PCDHGB6: variants seen among roughly 807,000 people sequenced by gnomAD.
PCDHGB6 encodes the protein protocadherin gamma-B6.
In PCDHGB6, 51 loss-of-function variants were observed where a neutral mutation model predicts 59.1. That is an observed-to-expected ratio of 0.86 (90% confidence interval 0.69 to 1.09). The LOEUF is 1.09. Among genes scored for constraint, PCDHGB6 ranks in the 50% least tolerant of loss-of-function variants. The pLI is 0.00. For synonymous variants in PCDHGB6, 466 were observed against 495.1 expected (o/e 0.94, Z 0.78); for missense variants, 1,148 against 1,205.1 (o/e 0.95, Z 0.70).
chr5:141,494,742 G>A (rs1223104681), intron 1 of PCDHGB6, 65 bp from the exon 2 acceptor site: 10 of 1,611,946 alleles, frequency 6.2e-6, no homozygotes, highest in Non-Finnish European at 8.5e-6. Context: ...CCCATCCCTA[G>A]GGGCTCGGGT....
chr5:141,408,302 C>G lies in PCDHGB6; in HGVS notation c.100C>G (p.Arg34Gly), dbSNP rs1017556555. The G allele has an allele frequency of 6.2e-7, 1 of 1,613,662 alleles. No homozygotes were observed. The change falls in exon 1 of 4, where the codon CGC becomes GGC. Residue 34 changes from arginine to glycine, a missense_variant. Physicochemically the swap from Arg to Gly is moderately radical, Grantham distance 125. Transcript: ENST00000520790. ...LFYPTLSEPI[R>G]YSIPEELAKG... ...CTACCCCACCCTGAGTGAGCCGATC[C>G]GCTACTCGATTCCGGAGGAGCTGGC...
rs1022516458 is a variant in PCDHGB6, at chr5:141,476,612, A to G, written c.2419-18195A>G. The G allele has an allele frequency of 1.2e-6, 2 of 1,614,236 alleles. No individual in the cohort carries two copies. The highest frequency in any genetic ancestry group is 2.2e-5 in the South Asian group (2 of 91,080). ...GAGCGCGCACGATCCCGATGTGGGA[A>G]GCAACTCTTTACAAACCTATGAGCT... On this transcript the variant is annotated intron_variant, in intron 1 of 3. Transcript: ENST00000520790. The surrounding 1 kb of genome is among the most constrained non-coding windows in gnomAD (Gnocchi z 7.6).
At chr5:141,413,702 T>G (rs1448671585) in intron 1 of PCDHGB6, 4 of 1,613,606 alleles carry the variant, frequency 2.5e-6, no homozygotes, top group Non-Finnish European at 3.4e-6. Flanking sequence ...AGCTATCAGC[T>G]CAGCCCCAAT....
At chr5:141,428,185 G>A (rs775261215) in intron 1 of PCDHGB6, 1 of 1,446,348 alleles carries the variant, frequency 6.9e-7, no homozygotes, top group Admixed American at 1.8e-5. Context: ...GAGGACAGCC[G>A]CCGCTCTCTG....
At chr5:141,496,892 A>AG (rs1372616572) in intron 2 of PCDHGB6, among the ~76,000 whole-genome samples, 1 of 151,766 alleles carries the variant, frequency 6.6e-6, no homozygotes, top group Non-Finnish European at 1.5e-5. Flanking sequence ...AACACTTAAA[A>AG]AAAAAAAAAA....
intron 1 of PCDHGB6, chr5:141,418,101 G>T: frequency 6.2e-7 from 1 of 1,614,082 alleles, no homozygotes; most frequent in Non-Finnish European, 8.5e-7. Context: ...GACGCGCAGA[G>T]CGGGGACTTA....
rs778744503 is a variant in PCDHGB6, at chr5:141,511,152, G to A, written c.2772G>A (p.Ser924=). Residue 924 remains serine (S), a synonymous_variant, in exon 4 of 4, where the codon TCG becomes TCA. Transcript: ENST00000520790. The part of the protein sequence containing the change: ...PAGGNGNKKK[S]GKKEKK ...GTGGCAATGGCAACAAGAAGAAGTCGGGCAAGAAGGAGAAGAAGTAACATG... is the reference window on the plus strand; with the variant it reads ...GTGGCAATGGCAACAAGAAGAAGTCAGGCAAGAAGGAGAAGAAGTAACATG... The A allele has an allele frequency of 2.0e-5, 32 of 1,614,022 alleles. No individual in the cohort carries two copies. Among genetic ancestry groups the A allele is most frequent in the South Asian group, 4.4e-5 (4 of 91,090 alleles).
Position 141,511,225 on chromosome 5 carries a change from C to A in PCDHGB6, c.*52C>A. ...GGCGGCCTCTCCCCAACCAGCCCAG[C>A]TTCTCCTTACCTGCACCCAGGCCTC... On this transcript the variant is annotated 3_prime_UTR_variant, in exon 4 of 4. Transcript: ENST00000520790. The A allele has an allele frequency of 6.2e-7, 1 of 1,601,624 alleles. No individual in the cohort carries two copies. Among genetic ancestry groups the A allele is most frequent in the Non-Finnish European group, 8.5e-7 (1 of 1,174,162 alleles).
intron 1 of PCDHGB6, among the ~76,000 whole-genome samples, chr5:141,456,765 C>A (rs1468235444): frequency 2.0e-5 from 3 of 151,852 alleles, no homozygotes; most frequent in Non-Finnish European, 2.9e-5. Context: ...GAGTTTGAGA[C>A]CAGCCTGGCC....
Position 141,432,220 on chromosome 5 carries a change from C to T in PCDHGB6, c.2418+21600C>T. The T allele has an allele frequency of 6.2e-7, 1 of 1,614,246 alleles. No homozygotes were observed. Among genetic ancestry groups the T allele is most frequent in the Non-Finnish European group, 8.5e-7 (1 of 1,180,040 alleles). Reference sequence around the variant, plus strand: ...CCGACTGTGAAGAGAACGCCCAGATCACTTATTCCCTGGCTGAGAACACCA... The same window carrying T: ...CCGACTGTGAAGAGAACGCCCAGATTACTTATTCCCTGGCTGAGAACACCA... On this transcript the variant is annotated intron_variant, in intron 1 of 3. Coordinates refer to ENST00000520790, the MANE Select transcript of PCDHGB6 (RefSeq NM_018926.3). The surrounding 1 kb of genome is among the most constrained non-coding windows in gnomAD (Gnocchi z 6.0).
At chr5:141,492,468 G>A (rs927514972) in intron 1 of PCDHGB6, among the ~76,000 whole-genome samples, 1 of 152,232 alleles carries the variant, frequency 6.6e-6, no homozygotes, top group Admixed American at 6.5e-5. Flanking sequence ...GAGGGTCCCA[G>A]ATCGCGGCCG....
Position 141,489,941 on chromosome 5 carries a change from A to G in PCDHGB6, c.2419-4866A>G. Reference sequence around the variant, plus strand: ...ACCCTTATCTCTGTCATCGTGCTGGACATCAATGATAATGCTCCAACCTTC... The same window carrying G: ...ACCCTTATCTCTGTCATCGTGCTGGGCATCAATGATAATGCTCCAACCTTC... On this transcript the variant is annotated intron_variant, in intron 1 of 3. Transcript: ENST00000520790. The surrounding 1 kb of genome is among the most constrained non-coding windows in gnomAD (Gnocchi z 4.5). 1.2e-6 allele frequency: 2 copies of G among 1,614,228 alleles called. No homozygotes were observed. The highest frequency in any genetic ancestry group is 1.7e-6 in the Non-Finnish European group (2 of 1,180,034).
intron 1 of PCDHGB6, among the ~76,000 whole-genome samples, chr5:141,448,043 G>A (rs1000669754): frequency 3.3e-5 from 5 of 151,870 alleles, no homozygotes; most frequent in African/African-American, 1.2e-4. Context: ...CCAAGATCAT[G>A]CCATTGCTCT....
chr5:141,433,883 G>A (rs1051019240), intron 1 of PCDHGB6, among the ~76,000 whole-genome samples: 1 of 149,932 alleles, frequency 6.7e-6, no homozygotes, highest in Non-Finnish European at 1.5e-5. Flanking sequence ...ATCCATTGAT[G>A]ACACTTGCTT....
intron 1 of PCDHGB6, among the ~76,000 whole-genome samples, chr5:141,430,247 G>T (rs1003479541): frequency 9.7e-6 from 1 of 102,928 alleles, no homozygotes; most frequent in Non-Finnish European, 1.8e-5. Flanking sequence ...AACTCCTAGG[G>T]AGACATCTCC....
In PCDHGB6 at chr5:141,431,494, C is replaced by A; in HGVS notation, c.2418+20874C>A. 6.2e-7 allele frequency: 1 copy of A among 1,613,956 alleles called. No homozygotes were observed. Among genetic ancestry groups the A allele is most frequent in the Middle Eastern group, 1.6e-4 (1 of 6,062 alleles). On this transcript the variant is annotated intron_variant, in intron 1 of 3. Coordinates refer to ENST00000520790, the MANE Select transcript of PCDHGB6 (RefSeq NM_018926.3). This position sits in a 1 kb window ranked among gnomAD's most constrained non-coding sequence, Gnocchi z 4.8. Reference sequence around the variant, plus strand: ...ACAACGCACCAGCGTTTGCTCAGCCCGAGTACCGCGCGAGCGTTCCGGAGA... The same window carrying A: ...ACAACGCACCAGCGTTTGCTCAGCCAGAGTACCGCGCGAGCGTTCCGGAGA...
Position 141,490,924 on chromosome 5 carries a change from C to A in PCDHGB6, c.2419-3883C>A. 1 of 1,613,680 alleles carries A rather than the reference C, an allele frequency of 6.2e-7. No individual in the cohort carries two copies. Among genetic ancestry groups the A allele is most frequent in the Non-Finnish European group, 8.5e-7 (1 of 1,179,694 alleles). On this transcript the variant is annotated intron_variant, in intron 1 of 3. Coordinates refer to ENST00000520790, the MANE Select transcript of PCDHGB6 (RefSeq NM_018926.3). The surrounding 1 kb of genome is among the most constrained non-coding windows in gnomAD (Gnocchi z 5.4). ...TGTCCTAGACGAGAATGATAATGCC[C>A]CAGCTGTGCTGCACCCACGGCCAGA...
intron 1 of PCDHGB6, 79 bp from the exon 2 acceptor site, chr5:141,494,728 C>T (rs2099756337): frequency 1.2e-6 from 2 of 1,609,984 alleles, no homozygotes; most frequent in Admixed American, 3.3e-5. Context: ...TCCTTCTCTC[C>T]CGGCCCATCC....
chr5:141,504,241 A>G (rs1282647590), intron 2 of PCDHGB6, among the ~76,000 whole-genome samples: 1 of 152,156 alleles, frequency 6.6e-6, no homozygotes, highest in Non-Finnish European at 1.5e-5. Flanking sequence ...AGAAGCAGAG[A>G]GTTCTTCTTA....
Sources: allele counts gnomAD v4.1 joint callset (sites outside exome capture counted in the v4.1 genomes callset), GRCh38; gene constraint gnomAD v4.1.1; non-coding constraint Gnocchi (gnomAD v3.1); transcripts MANE v1.5; gene names NCBI Gene and HGNC (gene_info 2026-07-23, HGNC 2026-07-21).